Variants in FSTL5 observed in about 807,000 individuals in gnomAD.
FSTL5 encodes follistatin-related protein 5.
A neutral mutation model predicts 89.1 loss-of-function variants in FSTL5; 62 were observed. The ratio of observed to expected loss-of-function variants is 0.70; its 90% CI spans 0.57 to 0.86. The LOEUF (loss-of-function observed/expected upper bound fraction) is 0.86. Among genes scored for constraint, FSTL5 ranks in the 40% least tolerant of loss-of-function variants. The probability of loss-of-function intolerance (pLI) is 0.00; values close to 1 mark genes in which losing one functional copy is unlikely to be tolerated. For missense variants in FSTL5, 1,057 were observed against 1,001.6 expected (o/e 1.06, Z -0.75); for synonymous variants, 383 against 346.2 (o/e 1.11, Z -1.18).
chr4:161,657,272 G>C (rs1222550818), intron 6 of FSTL5, among the ~76,000 whole-genome samples: 1 of 152,152 alleles, frequency 6.6e-6, no homozygotes, highest in South Asian at 2.1e-4. Flanking sequence ...AGATGACTAG[G>C]ATAATGTCTG....
intron 13 of FSTL5, among the ~76,000 whole-genome samples, chr4:161,469,899 C>A (rs1464787860): frequency 6.6e-6 from 1 of 152,090 alleles, no homozygotes; most frequent in Admixed American, 6.6e-5. Context: ...GCCTCAGCCT[C>A]CCAAAGTGCT....
chr4:161,565,492 A>C (rs556308488), intron 8 of FSTL5, among the ~76,000 whole-genome samples: 1 of 151,950 alleles, frequency 6.6e-6, no homozygotes, highest in East Asian at 1.9e-4. Flanking sequence ...TTTATCTTAC[A>C]CAAGTGGCAG....
chr4:161,946,555 G>A (rs1006826499), intron 3 of FSTL5, among the ~76,000 whole-genome samples: 1 of 152,058 alleles, frequency 6.6e-6, no homozygotes, highest in African/African-American at 2.4e-5. Context: ...AACATCATGT[G>A]ACTAGCAATC....
At chr4:162,099,421 G>A (rs984678429) in intron 2 of FSTL5, among the ~76,000 whole-genome samples, 2 of 152,204 alleles carry the variant, frequency 1.3e-5, no homozygotes, top group East Asian at 1.9e-4. Flanking sequence ...AAAATGTTAT[G>A]TCTCTCATGG....
At chr4:162,063,015 T>C (rs1332110980) in intron 2 of FSTL5, among the ~76,000 whole-genome samples, 1 of 151,836 alleles carries the variant, frequency 6.6e-6, no homozygotes, top group Non-Finnish European at 1.5e-5. Context: ...TTGTGCTTTT[T>C]TCCTTTGTCC....
Position 161,474,160 on chromosome 4 carries a change from T to C in FSTL5, c.1608+6860A>G, listed in dbSNP as rs543813226. The stretch of plus-strand genomic sequence containing the variant: ...GTTAGCATGGGGATTACACTTAATA[T>C]CCTAAAGTTATAGCAGTTCTATAAT... On this transcript the variant is annotated intron_variant, in intron 13 of 15. Coordinates refer to ENST00000306100, the MANE Select transcript of FSTL5 (RefSeq NM_020116.5). Among the ~76,000 whole-genome samples, 23 of 152,288 alleles carry C rather than the reference T, an allele frequency of 1.5e-4. 2 individuals are homozygous for C. In the South Asian group the frequency reaches 4.6e-3, roughly 30 times the overall value.
At chr4:162,020,235 A>G (rs1737033319) in intron 3 of FSTL5, among the ~76,000 whole-genome samples, 1 of 152,014 alleles carries the variant, frequency 6.6e-6, no homozygotes, top group Non-Finnish European at 1.5e-5. Flanking sequence ...GGCCCCATGG[A>G]CAAATTTATG....
intron 4 of FSTL5, among the ~76,000 whole-genome samples, chr4:161,829,105 A>AC (rs1419082749): frequency 6.8e-6 from 1 of 147,800 alleles, no homozygotes; most frequent in Non-Finnish European, 1.5e-5. Context: ...TTCAAAAAAA[A>AC]ATTAGACAAA....
rs950413542 is a variant in FSTL5, at chr4:161,941,498, G to A, written c.161-20846C>T. Reference sequence around the variant, plus strand: ...TAACCAAAAGAGAGGTGAGATGGTTGTATGATTATTATACAAAGTAGACAA... The same window carrying A: ...TAACCAAAAGAGAGGTGAGATGGTTATATGATTATTATACAAAGTAGACAA... On this transcript the variant is annotated intron_variant, in intron 3 of 15. Coordinates refer to ENST00000306100, the MANE Select transcript of FSTL5 (RefSeq NM_020116.5). Among the ~76,000 whole-genome samples, 9 of 152,006 alleles carry A rather than the reference G, an allele frequency of 5.9e-5. No individual in the cohort carries two copies. In the South Asian group the frequency reaches 1.2e-3, roughly 21 times the overall value.
At chr4:161,640,135 C>G (rs1735898841) in intron 7 of FSTL5, among the ~76,000 whole-genome samples, 3 of 152,116 alleles carry the variant, frequency 2.0e-5, no homozygotes, top group Non-Finnish European at 4.4e-5. Context: ...CTTTGGCACA[C>G]AGCCTACAAC....
chr4:161,646,232 TCA>T (rs1271046364), intron 7 of FSTL5, among the ~76,000 whole-genome samples: 1 of 148,340 alleles, frequency 6.7e-6, no homozygotes, highest in Non-Finnish European at 1.5e-5. Flanking sequence ...AATGTATATC[TCA>T]TATATATTTT....
At chr4:161,840,835 C>A (rs748651648) in intron 4 of FSTL5, among the ~76,000 whole-genome samples, 1 of 152,174 alleles carries the variant, frequency 6.6e-6, no homozygotes, top group African/African-American at 2.4e-5. Flanking sequence ...GCTGCCTTTT[C>A]GTCTGACTTC....
intron 4 of FSTL5, among the ~76,000 whole-genome samples, chr4:161,813,431 G>C (rs1730228532): frequency 6.6e-6 from 1 of 152,032 alleles, no homozygotes; most frequent in African/African-American, 2.4e-5. Context: ...AAATTTGGGG[G>C]GCGGGGAGCA....
At chr4:161,829,486 T>C (rs946177581) in intron 4 of FSTL5, among the ~76,000 whole-genome samples, 1 of 152,042 alleles carries the variant, frequency 6.6e-6, no homozygotes, top group African/African-American at 2.4e-5. Flanking sequence ...TTAATGTATG[T>C]AATTATCTAT....
intron 7 of FSTL5, among the ~76,000 whole-genome samples, chr4:161,620,345 T>C (rs1262402617): frequency 2.0e-5 from 3 of 151,920 alleles, no homozygotes; most frequent in Non-Finnish European, 2.9e-5. Context: ...ATAATAATAA[T>C]TTAAAAGAAA....
intron 3 of FSTL5, among the ~76,000 whole-genome samples, chr4:161,989,321 G>T (rs1016185579): frequency 1.3e-5 from 2 of 152,026 alleles, no homozygotes; most frequent in African/African-American, 4.8e-5. Flanking sequence ...TCAGCCCATT[G>T]TATTCCCAGT....
chr4:161,744,511 C>T (rs1740126998), intron 6 of FSTL5, among the ~76,000 whole-genome samples: 1 of 152,072 alleles, frequency 6.6e-6, no homozygotes, highest in Non-Finnish European at 1.5e-5. Context: ...AGTCTTACAC[C>T]TAATTCTACC....
chr4:161,493,299 C>T (rs914989930), intron 12 of FSTL5, among the ~76,000 whole-genome samples: 14 of 151,444 alleles, frequency 9.2e-5, no homozygotes, highest in Admixed American at 3.3e-4. Context: ...TAGAAGAACA[C>T]GAACAGATAA....
At chr4:161,974,813 G>A (rs1163286304) in intron 3 of FSTL5, among the ~76,000 whole-genome samples, 2 of 148,956 alleles carry the variant, frequency 1.3e-5, no homozygotes, top group African/African-American at 5.0e-5. Context: ...GAGTGAACAG[G>A]CAACCTACAA....
Sources: gnomAD v4.1 joint callset for allele counts (sites outside exome capture counted in the v4.1 genomes callset) on GRCh38, gnomAD v4.1.1 for gene constraint, MANE v1.5 for transcripts, NCBI Gene and HGNC (gene_info 2026-07-23, HGNC 2026-07-21) for gene names.